The following DHRSX variants were observed in gnomAD, a reference collection of about 807,000 sequenced individuals.
DHRSX encodes polyprenol dehydrogenase.
A neutral mutation model predicts 34.0 loss-of-function variants in DHRSX; 31 were observed. That is an observed-to-expected ratio of 0.91 (90% CI 0.69 to 1.23). DHRSX has a LOEUF of 1.23. Among genes scored for constraint, DHRSX ranks in the 50% most tolerant of loss-of-function variants. DHRSX has a pLI of 0.00. For synonymous variants in DHRSX, 201 were observed against 183.8 expected (o/e 1.09, Z -0.76); for missense variants, 414 against 428.1 (o/e 0.97, Z 0.29).
At chrX:2,436,053 C>T (rs1197885942) in intron 1 of DHRSX, among the ~76,000 whole-genome samples, 2 of 151,850 alleles carry the variant, frequency 1.3e-5, no homozygotes, top group African/African-American at 4.8e-5. Context: ...ATTAGCCGGG[C>T]ATGGTAGCAC....
chrX:2,496,224 A>G (rs1447820930), intron 1 of DHRSX, among the ~76,000 whole-genome samples: 1 of 152,058 alleles, frequency 6.6e-6, no homozygotes, highest in Non-Finnish European at 1.5e-5. Context: ...TTTGAGACGG[A>G]GTCTCGCCCT....
chrX:2,269,541 T>G (rs989960142), intron 4 of DHRSX, among the ~76,000 whole-genome samples: 8 of 152,052 alleles, frequency 5.3e-5, no homozygotes, highest in African/African-American at 1.2e-4. Flanking sequence ...ATGTATGTAT[T>G]TATTTATTTT....
intron 1 of DHRSX, chrX:2,489,894 C>T (rs768804253): frequency 1.3e-5 from 21 of 1,613,892 alleles, no homozygotes; most frequent in East Asian, 2.2e-5. Context: ...CACGCCTTCA[C>T]GATGTCCTTG....
chrX:2,291,696 C>G, intron 3 of DHRSX, 93 bp from the exon 4 acceptor site: 1 of 918,120 alleles, frequency 1.1e-6, no homozygotes, highest in Non-Finnish European at 1.8e-6. Flanking sequence ...TCAATTTCAT[C>G]TAGGAAGTAA....
rs185588592 is a variant in DHRSX at position 2,327,907 on chromosome X, C to G, written c.287-36304G>C. Among the ~76,000 whole-genome samples, 82 of 151,930 alleles carry G rather than the reference C, an allele frequency of 5.4e-4. No homozygotes were observed. In the East Asian group the frequency reaches 0.014, roughly 26 times the overall value. On this transcript the variant is annotated intron_variant, in intron 3 of 6. Coordinates refer to ENST00000334651, the MANE Select transcript of DHRSX (RefSeq NM_145177.3). ...CATCCTGGCTAACACGGTGAAACTC[C>G]ATCTCTACTAAAAATAGAAAAAATT...
chrX:2,331,253 A>G (rs1354428003), intron 3 of DHRSX, among the ~76,000 whole-genome samples: 1 of 151,946 alleles, frequency 6.6e-6, no homozygotes, highest in Non-Finnish European at 1.5e-5. Context: ...TACTTCTGCT[A>G]TTTTCACCAT....
chrX:2,296,061 C>T (rs970756278), intron 3 of DHRSX, among the ~76,000 whole-genome samples: 4 of 152,136 alleles, frequency 2.6e-5, no homozygotes, highest in African/African-American at 9.7e-5. Context: ...CCAAGCCACG[C>T]CGGGCATCTC....
chrX:2,292,372 T>C (rs1004305997), intron 3 of DHRSX, among the ~76,000 whole-genome samples: 1 of 152,174 alleles, frequency 6.6e-6, no homozygotes, highest in Admixed American at 6.5e-5. Context: ...TCAGGCCAGA[T>C]GACACTTTGG....
rs778194418 is a variant in DHRSX, at chrX:2,266,922, C to T, written c.414G>A (p.Arg138=). The part of the protein sequence containing the change: ...NNAGVMMVPQ[R]KTRDGFEEHF... The stretch of plus-strand genomic sequence containing the variant: ...GTTCTTCGAATCCATCTCTGGTTTT[C>T]CTCTGAGGGACCATCATCACCCCAG... The change falls in exon 5 of 7, where the codon AGG becomes AGA. Residue 138 remains arginine, a synonymous_variant. Transcript: ENST00000334651. The T allele has an allele frequency of 1.9e-6, 3 of 1,613,966 alleles. No homozygotes were observed. The South Asian group carries it at 3.3e-5, about 18-fold the overall frequency.
chrX:2,292,415 C>T (rs1226405222), intron 3 of DHRSX, among the ~76,000 whole-genome samples: 1 of 152,184 alleles, frequency 6.6e-6, no homozygotes, highest in Non-Finnish European at 1.5e-5. Context: ...AGAGAGAATG[C>T]AGTTACACCT....
intron 2 of DHRSX, among the ~76,000 whole-genome samples, chrX:2,419,943 A>G (rs1015726206): frequency 1.3e-5 from 2 of 152,126 alleles, no homozygotes; most frequent in African/African-American, 4.8e-5. Flanking sequence ...CGTTGTGCAC[A>G]TGTACCCTAA....
intron 3 of DHRSX, among the ~76,000 whole-genome samples, chrX:2,374,889 TAGTG>T (rs1331769418): frequency 1.5e-5 from 2 of 137,324 alleles, no homozygotes; most frequent in East Asian, 4.0e-4. Context: ...CAGGGCAAGA[TAGTG>T]AGACCCTGTC....
chrX:2,233,703 C>T (rs35530509), intron 6 of DHRSX, among the ~76,000 whole-genome samples: 2 of 152,014 alleles, frequency 1.3e-5, no homozygotes, highest in Admixed American at 6.6e-5. Context: ...TCAGAAATAA[C>T]CCCTGCTGCC....
At chrX:2,226,671 A>G (rs1240107368) in intron 6 of DHRSX, among the ~76,000 whole-genome samples, 5 of 125,610 alleles carry the variant, frequency 4.0e-5, no homozygotes, top group Non-Finnish European at 8.3e-5. Flanking sequence ...CATGGTGGCG[A>G]GCGCCTGTAG....
intron 3 of DHRSX, among the ~76,000 whole-genome samples, chrX:2,339,294 C>T (rs963875693): frequency 4.6e-5 from 7 of 151,744 alleles, no homozygotes; most frequent in African/African-American, 1.7e-4. Flanking sequence ...TGCCACCAGG[C>T]CTGGCTAATT....
In DHRSX at chrX:2,446,445, G is replaced by A. The variant is rs181412011; in HGVS notation, c.110-21141C>T. On this transcript the variant is annotated intron_variant, in intron 1 of 6. Transcript: ENST00000334651. Reference sequence around the variant, plus strand: ...GCATGTGGCCCAAGGGACGACAGCTGTGTACACACTGAAGACGGTCTCGAG... The same window carrying A: ...GCATGTGGCCCAAGGGACGACAGCTATGTACACACTGAAGACGGTCTCGAG... Among the ~76,000 whole-genome samples the A allele has an allele frequency of 6.9e-3, 1,009 of 145,978 alleles. 9 individuals are homozygous for A. The highest frequency in any genetic ancestry group is 0.025 in the African/African-American group (969 of 38,960).
chrX:2,345,346 T>A (rs143796997), intron 3 of DHRSX, among the ~76,000 whole-genome samples: 3,097 of 151,932 alleles, frequency 0.02, 92 homozygotes, highest in African/African-American at 0.07. Flanking sequence ...AAGGTCATAA[T>A]AGAACAAAAG....
intron 3 of DHRSX, among the ~76,000 whole-genome samples, chrX:2,351,358 T>C (rs1369154067): frequency 6.6e-6 from 1 of 152,192 alleles, no homozygotes; most frequent in Non-Finnish European, 1.5e-5. Flanking sequence ...ATCAGAATAC[T>C]TGTAATATGT....
intron 3 of DHRSX, among the ~76,000 whole-genome samples, chrX:2,301,831 T>G (rs2042014490): frequency 6.6e-6 from 1 of 152,052 alleles, no homozygotes; most frequent in Non-Finnish European, 1.5e-5. Context: ...AGAGACAGGG[T>G]TTCACCATGT....
Sources: allele counts gnomAD v4.1 joint callset (sites outside exome capture counted in the v4.1 genomes callset), GRCh38; gene constraint gnomAD v4.1.1; transcripts MANE v1.5; gene names NCBI Gene and HGNC (gene_info 2026-07-23, HGNC 2026-07-21).